Variants in KLF16 observed in about 807,000 individuals in gnomAD.
The protein encoded by KLF16 is Krueppel-like factor 16.
A neutral mutation model predicts 6.1 loss-of-function variants in KLF16; 6 were observed. The observed-to-expected ratio is 0.98, with a 90% CI of 0.54 to 1.93. KLF16 has a LOEUF of 1.93. Among genes scored for constraint, KLF16 ranks in the 30% most tolerant of loss-of-function variants. KLF16 has a pLI of 0.01. For synonymous variants in KLF16, 211 were observed against 176.5 expected, an observed-to-expected ratio of 1.20 and a Z score of -1.55; for missense variants, 355 against 363.8, an observed-to-expected ratio of 0.98 and a Z score of 0.20.
At chr19:1,865,337 C>T (rs1246920603), upstream of KLF16, among the ~76,000 whole-genome samples, 13 of 152,366 alleles carry the variant, frequency 8.5e-5, no homozygotes, top group African/African-American at 2.9e-4. Context: ...ACTTCTAGGA[C>T]GATGGGCCAC....
Position 1,853,053 on chromosome 19 carries a change from G to A in KLF16, c.*1406C>T, listed in dbSNP as rs1165243997. The A allele has an allele frequency of 2.0e-5, 3 of 152,148 alleles. No homozygotes were observed. The highest frequency in any genetic ancestry group is 7.3e-5 in the African/African-American group (3 of 41,372). The allele number at this position is 152,148 out of a possible 1,614,324, so 9.4% of individuals were successfully genotyped here. A position where few individuals can be genotyped will look rare whatever the true frequency, so the allele number is the denominator to read the frequency against. On this transcript the variant is annotated 3_prime_UTR_variant, in exon 2 of 2. Coordinates refer to ENST00000250916, the MANE Select transcript of KLF16 (RefSeq NM_031918.4). ...CCTTTCTGGGTCTGACATGGAACCG[G>A]GGACCCTTCTCATTCCAGGCTGGGG...
chr19:1,866,769 C>G (rs1599198604), upstream of KLF16, among the ~76,000 whole-genome samples: 1 of 106,948 alleles, frequency 9.4e-6, no homozygotes, highest in East Asian at 2.5e-4. Flanking sequence ...GAGTGGGACC[C>G]TGTCTCAAAA....
chr19:1,868,816 T>G, the KLF16 span, among the ~76,000 whole-genome samples: 1 of 152,054 alleles, frequency 6.6e-6, no homozygotes, highest in African/African-American at 2.4e-5. Context: ...ATAATTTTTG[T>G]ACTTTTACTA....
chr19:1,872,013 G>C, the KLF16 span, among the ~76,000 whole-genome samples: 1 of 152,130 alleles, frequency 6.6e-6, no homozygotes, highest in Admixed American at 6.5e-5. Context: ...GATTTTATCT[G>C]CACAGAGTCG....
the KLF16 span, among the ~76,000 whole-genome samples, chr19:1,871,426 A>C: frequency 6.6e-6 from 1 of 152,060 alleles, no homozygotes; most frequent in Admixed American, 6.5e-5. Context: ...TGACGGTGTG[A>C]CCCTGACCTC....
At chr19:1,869,324 A>C in the KLF16 span, among the ~76,000 whole-genome samples, 1 of 152,002 alleles carries the variant, frequency 6.6e-6, no homozygotes, top group Non-Finnish European at 1.5e-5. Flanking sequence ...TAAAAACACA[A>C]AAAAAATTAG....
At chr19:1,861,336 A>G (rs1006503403) in intron 1 of KLF16, 3 of 152,202 alleles carry the variant, frequency 2.0e-5, no homozygotes, top group African/African-American at 7.2e-5. Context: ...TCGCTTTCCC[A>G]ACAGGCTCCC....
chr19:1,855,477 AC>A (rs1040756789), intron 1 of KLF16, among the ~76,000 whole-genome samples: 5 of 151,606 alleles, frequency 3.3e-5, no homozygotes, highest in African/African-American at 1.2e-4. Flanking sequence ...GACTCGCCCC[AC>A]CCCCACGGGA....
the KLF16 span, among the ~76,000 whole-genome samples, chr19:1,871,817 C>T: frequency 1.3e-5 from 2 of 152,064 alleles, no homozygotes; most frequent in Admixed American, 6.6e-5. Context: ...TGGGGTCCTG[C>T]AGGGAGCATC....
In KLF16 at chr19:1,863,131, C is replaced by A; in HGVS notation, c.367G>T (p.Ala123Ser). 7.5e-7 allele frequency: 1 copy of A among 1,337,594 alleles called. No homozygotes were observed. Among genetic ancestry groups the A allele is most frequent in the Non-Finnish European group, 9.7e-7 (1 of 1,026,146 alleles). The allele number at this position is 1,337,594 out of a possible 1,614,324, so 82.9% of individuals were successfully genotyped here. Residue 123 changes from alanine (A) to serine (S), a missense_variant, in exon 1 of 2, where the codon GCC (alanine) becomes TCC (serine). Ala to Ser is a moderately conservative substitution (Grantham distance 99). Coordinates refer to ENST00000250916, the MANE Select transcript of KLF16 (RefSeq NM_031918.4). The stretch of plus-strand genomic sequence containing the variant: ...AAGGGACAGCGGTGGCTCTTGGCGG[C>A]GGCGGAGGGCGCGGCGCCGGGGGCG... ...GRAPGAAPSA[A>S]AKSHRCPFPD...
At chr19:1,874,841 T>C in the KLF16 span, 3 of 137,742 alleles carry the variant, frequency 2.2e-5, no homozygotes, top group Admixed American at 1.5e-4. Flanking sequence ...ACCACCACCA[T>C]CCACCCAACA....
At chr19:1,861,546 C>T (rs940132937) in intron 1 of KLF16, 7 of 152,292 alleles carry the variant, frequency 4.6e-5, no homozygotes, top group African/African-American at 1.7e-4. Context: ...CCTGGGACCC[C>T]TCCGCCGAGG....
chr19:1,875,169 G>A, the KLF16 span: 7 of 152,158 alleles, frequency 4.6e-5, no homozygotes, highest in Admixed American at 6.5e-5. Context: ...CTGCACCAAG[G>A]AATTTAACCT....
At chr19:1,870,287 A>G in the KLF16 span, among the ~76,000 whole-genome samples, 1 of 152,156 alleles carries the variant, frequency 6.6e-6, no homozygotes, top group Non-Finnish European at 1.5e-5. Flanking sequence ...GGACTGAATA[A>G]TAATAATGAC....
At chr19:1,855,030 T>C (rs1287240608) in intron 1 of KLF16, among the ~76,000 whole-genome samples, 1 of 152,064 alleles carries the variant, frequency 6.6e-6, no homozygotes, top group African/African-American at 2.4e-5. Flanking sequence ...CTGTTAACCG[T>C]AAGTAACCGC....
At chr19:1,870,899 G>A in the KLF16 span, among the ~76,000 whole-genome samples, 1 of 152,234 alleles carries the variant, frequency 6.6e-6, no homozygotes, top group Non-Finnish European at 1.5e-5. Context: ...GGGAGGCTGA[G>A]GCAGGAGAAT....
chr19:1,871,907 G>A, the KLF16 span, among the ~76,000 whole-genome samples: 1 of 152,148 alleles, frequency 6.6e-6, no homozygotes, highest in Non-Finnish European at 1.5e-5. Context: ...GTGGGCAGCA[G>A]GGGCAGGATC....
chr19:1,863,437 AAG>A lies in KLF16; in HGVS notation c.59_60del (p.Ser20PhefsTer140). ...YFAADVLMAI[S>X]SGAVVHRGRP... ...CGCCCGCGGTGCACCACGGCGCCCG[AAG>A]AGATGGCCATGAGCACGTCGGCGGC... is the stretch of plus-strand genomic sequence containing the variant. On this transcript the variant is annotated frameshift_variant, in exon 1 of 2. Transcript: ENST00000250916. LOFTEE classifies it high-confidence loss of function. 9.6e-7 allele frequency: 1 copy of A among 1,042,758 alleles called. No individual in the cohort carries two copies. Among genetic ancestry groups the A allele is most frequent in the Non-Finnish European group, 1.2e-6 (1 of 864,304 alleles). 64.6% of individuals were successfully genotyped at this position (1,042,758 alleles called of 1,614,324 possible).
upstream of KLF16, among the ~76,000 whole-genome samples, chr19:1,867,218 T>C (rs931652754): frequency 6.6e-6 from 1 of 151,682 alleles, no homozygotes; most frequent in Non-Finnish European, 1.5e-5. Flanking sequence ...AGGGCAGAGG[T>C]CACATAACCG....
Sources: allele counts gnomAD v4.1 joint callset (sites outside exome capture counted in the v4.1 genomes callset), GRCh38; gene constraint gnomAD v4.1.1; transcripts MANE v1.5; gene names NCBI Gene and HGNC (gene_info 2026-07-23, HGNC 2026-07-21).